Variants in C1orf198 observed in about 807,000 individuals in gnomAD.
C1orf198 encodes the protein chromosome 1 open reading frame 198, also known as uncharacterized protein C1orf198.
In C1orf198, 17 loss-of-function variants were observed where a neutral mutation model predicts 31.4. The ratio of observed to expected loss-of-function variants is 0.54; its 90% confidence interval spans 0.37 to 0.81. The LOEUF is 0.81. Ranked by LOEUF, C1orf198 falls within the 40% of genes least tolerant of loss-of-function variation. The pLI, the probability that C1orf198 is intolerant of heterozygous loss-of-function variation, is 0.00. For missense variants in C1orf198, 401 were observed against 450.3 expected, an observed-to-expected ratio of 0.89 and a Z score of 0.99; for synonymous variants, 175 against 193.8, an observed-to-expected ratio of 0.90 and a Z score of 0.81.
Position 230,843,748 on chromosome 1 carries a change from G to A in C1orf198, c.533C>T (p.Ala178Val), listed in dbSNP as rs61734648. The A allele has an allele frequency of 3.8e-4, 617 of 1,614,030 alleles. 2 individuals are homozygous for A. In the African/African-American group the frequency reaches 7.2e-3, roughly 19 times the overall value. ...SQGSRSSSLD[A>V]LGPTRKEEEA... ...CTCCTCCTTCCTGGTGGGGCCCAGG[G>A]CGTCCAGGCTGGAGGACCTGCTGCC... Residue 178 changes from alanine (A) to valine (V), a missense_variant, in exon 3 of 4, where the codon GCC (alanine) becomes GTC (valine). By Grantham distance (64) the Ala-to-Val change is moderately conservative. Transcript: ENST00000366663. This position sits in a 1 kb window ranked among gnomAD's most constrained non-coding sequence, Gnocchi z 4.9.
In C1orf198 at chr1:230,868,106, G is replaced by T. The variant is rs999488395; in HGVS notation, c.333+74C>A. 17 of 1,294,530 alleles carry T rather than the reference G, an allele frequency of 1.3e-5. No individual in the cohort carries two copies. The African/African-American group carries it at 2.3e-4, about 18-fold the overall frequency. The allele number at this position is 1,294,530 out of a possible 1,614,324, so 80.2% of individuals were successfully genotyped here. A position where few individuals can be genotyped will look rare whatever the true frequency, so the allele number is the denominator to read the frequency against. ...TACCAGCTGGGGCGGCCTCACGCCG[G>T]CAGGTGCCCACCGGGCCGGGGCGCC... On this transcript the variant is annotated intron_variant, in intron 1 of 3. Coordinates refer to ENST00000366663, the MANE Select transcript of C1orf198 (RefSeq NM_032800.3).
At chr1:230,851,838 G>A (rs1243072479) in intron 2 of C1orf198, among the ~76,000 whole-genome samples, 2 of 152,220 alleles carry the variant, frequency 1.3e-5, no homozygotes, top group Middle Eastern at 3.2e-3. Context: ...TGCGTTGCAT[G>A]GGGGCAGCGA....
chr1:230,856,960 G>A (rs572153098), intron 1 of C1orf198, among the ~76,000 whole-genome samples: 28 of 152,272 alleles, frequency 1.8e-4, no homozygotes, highest in Non-Finnish European at 3.5e-4. Context: ...TTCAGCTTTT[G>A]ACAGAGCCTC....
chr1:230,867,941 G>A (rs1183259380), intron 1 of C1orf198, among the ~76,000 whole-genome samples: 3 of 152,236 alleles, frequency 2.0e-5, no homozygotes, highest in African/African-American at 7.2e-5. Context: ...GGCGGATCAG[G>A]TCTAGATGGA....
At chr1:230,841,478 G>C (rs1669439993) in intron 3 of C1orf198, among the ~76,000 whole-genome samples, 1 of 152,060 alleles carries the variant, frequency 6.6e-6, no homozygotes, top group African/African-American at 2.4e-5. Flanking sequence ...AATGGGCAAG[G>C]GACCATTGGA....
chr1:230,849,560 G>C lies in C1orf198; in HGVS notation c.385-5664C>G, dbSNP rs142651928. Among the ~76,000 whole-genome samples the C allele has an allele frequency of 3.9e-5, 6 of 152,354 alleles. No individual in the cohort carries two copies. In the South Asian group the frequency reaches 1.2e-3, roughly 32 times the overall value. On this transcript the variant is annotated intron_variant, in intron 2 of 3. Transcript: ENST00000366663. ...GGCTGGGCGTCAGTCACCCCATGCGGGGAACTGGGTCTCAGTTGGCCATGT... is the reference window on the plus strand; with the variant it reads ...GGCTGGGCGTCAGTCACCCCATGCGCGGAACTGGGTCTCAGTTGGCCATGT...
Position 230,868,388 on chromosome 1 carries a change from T to G in C1orf198, c.125A>C (p.Lys42Thr), listed in dbSNP as rs759303502. The G allele has an allele frequency of 6.3e-7, 1 of 1,598,472 alleles. No individual in the cohort carries two copies. The highest frequency in any genetic ancestry group is 1.1e-5 in the South Asian group (1 of 89,342). ...YFSSLSPMAR[K>T]IMQDKEKIRE... Reference sequence around the variant, plus strand: ...GATCTTCTCCTTGTCCTGCATGATCTTCCTGGCCATGGGGCTCAGCGACGA... The same window carrying G: ...GATCTTCTCCTTGTCCTGCATGATCGTCCTGGCCATGGGGCTCAGCGACGA... Residue 42 changes from lysine (K) to threonine (T), a missense_variant, in exon 1 of 4, where the codon AAG becomes ACG. Physicochemically the swap from Lys to Thr is moderately conservative, Grantham distance 78. Transcript: ENST00000366663.
In C1orf198 at chr1:230,843,243, A is replaced by C. The variant is rs1392043659; in HGVS notation, c.927+111T>G. The C allele has an allele frequency of 3.2e-6, 4 of 1,260,224 alleles. No individual in the cohort carries two copies. The highest frequency in any genetic ancestry group is 4.3e-6 in the Non-Finnish European group (4 of 933,264). The allele number at this position is 1,260,224 out of a possible 1,614,324, so 78.1% of individuals were successfully genotyped here. On this transcript the variant is annotated intron_variant, in intron 3 of 3. Transcript: ENST00000366663. This position sits in a 1 kb window ranked among gnomAD's most constrained non-coding sequence, Gnocchi z 4.9. ...TCTGAGGAAGAGGCAGGGGAAGGAGAAGAAAAAGAGCATGGGCACCTGTGG... is the reference window on the plus strand; with the variant it reads ...TCTGAGGAAGAGGCAGGGGAAGGAGCAGAAAAAGAGCATGGGCACCTGTGG...
In C1orf198 at chr1:230,857,843, CT is replaced by C. The variant is rs2102988638; in HGVS notation, c.334-2126del. Among the ~76,000 whole-genome samples the C allele has an allele frequency of 6.6e-6, 1 of 152,298 alleles. No homozygotes were observed. Among genetic ancestry groups the C allele is most frequent in the South Asian group, 2.1e-4 (1 of 4,820 alleles). On this transcript the variant is annotated intron_variant, in intron 1 of 3. Transcript: ENST00000366663. This position sits in a 1 kb window ranked among gnomAD's most constrained non-coding sequence, Gnocchi z 4.2. ...ATTAAAGTGTATCAAACAGTCAGTTCTGAGAACCACATAGTGTGTGCAACTA... is the reference window on the plus strand; with the variant it reads ...ATTAAAGTGTATCAAACAGTCAGTTCGAGAACCACATAGTGTGTGCAACTA...
chr1:230,844,610 G>T (rs1013030166), intron 2 of C1orf198, among the ~76,000 whole-genome samples: 9 of 152,164 alleles, frequency 5.9e-5, no homozygotes, highest in African/African-American at 2.2e-4. Context: ...AGGGCTCTCT[G>T]CCTGGTAAAC....
In C1orf198 at chr1:230,843,611, C is replaced by T. The variant is rs1669508793; in HGVS notation, c.670G>A (p.Val224Ile). Residue 224 changes from valine (V) to isoleucine (I), a missense_variant, in exon 3 of 4, where the codon GTC becomes ATC. Transcript: ENST00000366663. The surrounding 1 kb of genome is among the most constrained non-coding windows in gnomAD (Gnocchi z 4.9). ...QIKSMEKGEK[V>I]LPPCYRQEPA... ...TCCTGCCGGTAGCAGGGAGGCAAGA[C>T]CTTTTCCCCCTTCTCCATGGACTTG... 6.2e-7 allele frequency: 1 copy of T among 1,614,190 alleles called. No individual in the cohort carries two copies. The highest frequency in any genetic ancestry group is 1.1e-5 in the South Asian group (1 of 91,078).
At chr1:230,856,735 T>C (rs904364730) in intron 1 of C1orf198, among the ~76,000 whole-genome samples, 1 of 152,118 alleles carries the variant, frequency 6.6e-6, no homozygotes, top group African/African-American at 2.4e-5. Context: ...TCAGGACACA[T>C]TGGGTGATAC....
intron 2 of C1orf198, among the ~76,000 whole-genome samples, chr1:230,847,808 G>T (rs918423200): frequency 6.6e-6 from 1 of 152,192 alleles, no homozygotes. Flanking sequence ...GGACAAAGTT[G>T]ACTTTGATCT....
At chr1:230,841,301 G>A (rs952458298) in intron 3 of C1orf198, among the ~76,000 whole-genome samples, 3 of 152,184 alleles carry the variant, frequency 2.0e-5, no homozygotes, top group Non-Finnish European at 2.9e-5. Context: ...ATGTGGAGCC[G>A]AGGTGGGCAG....
At chr1:230,868,062 C>A in intron 1 of C1orf198, 118 bp downstream of exon 1, 1 of 970,270 alleles carries the variant, frequency 1.0e-6, no homozygotes, top group East Asian at 3.6e-5. Flanking sequence ...GCCATTCCTG[C>A]CTTTTCTTTT....
At chr1:230,868,760 A>C (rs1670189986), upstream of C1orf198, 2 of 82,810 alleles carry the variant, frequency 2.4e-5, no homozygotes, top group Non-Finnish European at 4.3e-5. Context: ...GTCCCCCTTT[A>C]CGCCTCCATA....
rs1408300023 is a variant in C1orf198, at chr1:230,843,725, C to T, written c.556G>A (p.Glu186Lys). The change falls in exon 3 of 4, where the codon GAG becomes AAG. Residue 186 changes from glutamate to lysine, a missense_variant. Coordinates refer to ENST00000366663, the MANE Select transcript of C1orf198 (RefSeq NM_032800.3). The surrounding 1 kb of genome is among the most constrained non-coding windows in gnomAD (Gnocchi z 4.9). ...TTGATCTTCCAGAATGACGCTTCCT[C>T]CTCCTTCCTGGTGGGGCCCAGGGCG... Reference protein sequence around the residue: ...LDALGPTRKEEEASFWKINAE... With the variant: ...LDALGPTRKEKEASFWKINAE... 6.2e-7 allele frequency: 1 copy of T among 1,614,218 alleles called. No homozygotes were observed. The highest frequency in any genetic ancestry group is 2.2e-5 in the East Asian group (1 of 44,858).
intron 2 of C1orf198, among the ~76,000 whole-genome samples, chr1:230,853,819 A>G (rs1669803126): frequency 6.6e-6 from 1 of 152,190 alleles, no homozygotes; most frequent in Non-Finnish European, 1.5e-5. Flanking sequence ...GGGACCAGAT[A>G]TGCTGGCATC....
Position 230,843,277 on chromosome 1 carries a change from C to G in C1orf198, c.927+77G>C. The G allele has an allele frequency of 6.7e-7, 1 of 1,488,662 alleles. No homozygotes were observed. Among genetic ancestry groups the G allele is most frequent in the Non-Finnish European group, 9.0e-7 (1 of 1,108,978 alleles). 92.2% of individuals were successfully genotyped at this position (1,488,662 alleles called of 1,614,324 possible). A position where few individuals can be genotyped will look rare whatever the true frequency, so the allele number is the denominator to read the frequency against. ...AGCATGGGCACCTGTGGCCTGCCTG[C>G]TTTGTGGGGGACCCTCTCGGTTCCC... On this transcript the variant is annotated intron_variant, in intron 3 of 3. Coordinates refer to ENST00000366663, the MANE Select transcript of C1orf198 (RefSeq NM_032800.3). This position sits in a 1 kb window ranked among gnomAD's most constrained non-coding sequence, Gnocchi z 4.9.
Sources: gnomAD v4.1 joint callset for allele counts (sites outside exome capture counted in the v4.1 genomes callset) on GRCh38, gnomAD v4.1.1 for gene constraint, Gnocchi (gnomAD v3.1) non-coding constraint, MANE v1.5 for transcripts, NCBI Gene and HGNC (gene_info 2026-07-23, HGNC 2026-07-21) for gene names.